NMT1: variants seen among roughly 807,000 people sequenced by gnomAD.
NMT1 encodes N-myristoyltransferase 1.
A neutral mutation model predicts 63.4 loss-of-function variants in NMT1; 12 were observed. The observed-to-expected ratio is 0.19, with a 90% CI of 0.12 to 0.31. NMT1 has a LOEUF of 0.31. Ranked by LOEUF, NMT1 falls within the 10% of genes least tolerant of loss-of-function variation. The pLI, the probability that NMT1 is intolerant of heterozygous loss-of-function variation, is 1.00. For missense variants in NMT1, 432 were observed against 634.6 expected (o/e 0.68, Z 3.43); for synonymous variants, 228 against 234.3 (o/e 0.97, Z 0.25).
intron 3 of NMT1, among the ~76,000 whole-genome samples, chr17:45,092,548 ACAAAACAC>A (rs1567868867): frequency 6.6e-6 from 1 of 151,446 alleles, no homozygotes. Context: ...AAAAAAAAAA[ACAAAACAC>A]CAAAATTAGC....
intron 4 of NMT1, 143 bp downstream of exon 4, chr17:45,093,946 G>A (rs2054106926): frequency 9.4e-6 from 6 of 636,160 alleles, no homozygotes; most frequent in Non-Finnish European, 1.6e-5. Context: ...GTAACTTCCT[G>A]GGGCATGGCC....
chr17:45,072,672 G>A (rs2053949631), intron 1 of NMT1, among the ~76,000 whole-genome samples: 1 of 151,612 alleles, frequency 6.6e-6, no homozygotes, highest in East Asian at 2.0e-4. Flanking sequence ...CCATTCTCCT[G>A]CCTCAGCCTC....
chr17:45,073,417 C>T (rs547959006), intron 1 of NMT1, among the ~76,000 whole-genome samples: 30 of 136,338 alleles, frequency 2.2e-4, no homozygotes, highest in African/African-American at 7.8e-4. Context: ...GACTCTGTCT[C>T]AAAAAAAAAA....
intron 2 of NMT1, among the ~76,000 whole-genome samples, chr17:45,085,680 G>A (rs552389267): frequency 1.2e-4 from 19 of 152,210 alleles, no homozygotes; most frequent in Non-Finnish European, 2.2e-4. Flanking sequence ...AACAACATAA[G>A]ACTAATAAGG....
intron 2 of NMT1, among the ~76,000 whole-genome samples, chr17:45,082,128 G>A (rs1192136624): frequency 1.3e-5 from 2 of 152,272 alleles, no homozygotes; most frequent in African/African-American, 4.8e-5. Context: ...TTCTTTTTGA[G>A]ACAGAGTCTT....
At chr17:45,082,931 C>T (rs760826079) in intron 2 of NMT1, among the ~76,000 whole-genome samples, 132 of 152,234 alleles carry the variant, frequency 8.7e-4, no homozygotes, top group Middle Eastern at 3.4e-3. Context: ...GCAGGAGAAT[C>T]GCTTGAACCC....
At chr17:45,097,276 A>G in intron 6 of NMT1, 32 bp downstream of exon 6, 11 of 1,462,494 alleles carry the variant, frequency 7.5e-6, no homozygotes, top group Non-Finnish European at 1.1e-5. Context: ...CACCCCCCAC[A>G]ACACCGCCAT....
intron 4 of NMT1, 137 bp downstream of exon 4, chr17:45,093,940 C>A: frequency 1.5e-6 from 1 of 648,178 alleles, no homozygotes; most frequent in Non-Finnish European, 2.7e-6. Context: ...CCGTCTGTAA[C>A]TTCCTGGGGC....
chr17:45,082,088 C>T (rs2054020567), intron 2 of NMT1, among the ~76,000 whole-genome samples: 1 of 152,120 alleles, frequency 6.6e-6, no homozygotes, highest in African/African-American at 2.4e-5. Context: ...TCTTAAGTCC[C>T]CACCGCTCTG....
intron 8 of NMT1, among the ~76,000 whole-genome samples, chr17:45,101,770 A>C (rs909414267): frequency 1.3e-5 from 2 of 152,104 alleles, no homozygotes; most frequent in African/African-American, 4.8e-5. Context: ...AACAGGATTG[A>C]TCACTCTGAA....
At position 45,081,718 on chromosome 17, in the gene NMT1, G is replaced by C; in HGVS notation, c.206G>C (p.Ser69Thr). 2 of 1,594,406 alleles carry C rather than the reference G, an allele frequency of 1.3e-6. No homozygotes were observed. Among genetic ancestry groups the C allele is most frequent in the Non-Finnish European group, 1.7e-6 (2 of 1,169,054 alleles). Reference sequence around the variant, plus strand: ...CAAAAAAAGAAGAAAGAAAAAGGCAGTGAGACAGATTCAGCCCAGGATCAG... The same window carrying C: ...CAAAAAAAGAAGAAAGAAAAAGGCACTGAGACAGATTCAGCCCAGGATCAG... ...KKQKKKKEKG[S>T]ETDSAQDQPV... The change falls in exon 2 of 12, where the codon AGT becomes ACT. Residue 69 changes from serine (S) to threonine (T), a missense_variant. Around this residue, in one of 4 missense-constraint regions of NMT1, gnomAD observed 121 missense variants for 103.7 expected, o/e 1.17. Coordinates refer to ENST00000258960, the MANE Select transcript of NMT1 (RefSeq NM_021079.5).
intron 1 of NMT1, among the ~76,000 whole-genome samples, chr17:45,073,156 CT>C (rs2053954312): frequency 6.6e-6 from 1 of 152,054 alleles, no homozygotes; most frequent in Admixed American, 6.6e-5. Context: ...GGCGCGGTGG[CT>C]CACACCCGTA....
Position 45,097,264 on chromosome 17 carries a change from C to T in NMT1, c.713+20C>T, listed in dbSNP as rs1424757075. Reference sequence around the variant, plus strand: ...TGACACGTAAGCACCTGCACCTACCCCCACCCCCCACAACACCGCCATCCT... The same window carrying T: ...TGACACGTAAGCACCTGCACCTACCTCCACCCCCCACAACACCGCCATCCT... On this transcript the variant is annotated intron_variant, in intron 6 of 11. Transcript: ENST00000258960. 2.0e-6 allele frequency: 3 copies of T among 1,535,546 alleles called. No homozygotes were observed. Among genetic ancestry groups the T allele is most frequent in the Non-Finnish European group, 2.7e-6 (3 of 1,108,556 alleles).
chr17:45,097,008 C>T, intron 5 of NMT1, 120 bp from the exon 6 acceptor site: 1 of 726,178 alleles, frequency 1.4e-6, no homozygotes, highest in South Asian at 1.5e-5. Context: ...AAAGAGAATC[C>T]AGCTATTAAC....
In NMT1 at chr17:45,106,933, CGATG is replaced by C; in HGVS notation, c.*1295_*1298del. The C allele has an allele frequency of 6.6e-6, 1 of 152,278 alleles. No homozygotes were observed. Among genetic ancestry groups the C allele is most frequent in the East Asian group, 1.9e-4 (1 of 5,200 alleles). The allele number at this position is 152,278 out of a possible 1,614,324, so 9.4% of individuals were successfully genotyped here. A position where few individuals can be genotyped will look rare whatever the true frequency, so the allele number is the denominator to read the frequency against. ...ATCAAGCCTCTGGTCACATGGCTGT[CGATG>C]TAGGCATTCTGGAGTGGTGTTCAGC... On this transcript the variant is annotated 3_prime_UTR_variant, in exon 12 of 12. Coordinates refer to ENST00000258960, the MANE Select transcript of NMT1 (RefSeq NM_021079.5).
chr17:45,064,079 G>A (rs189249603), intron 1 of NMT1, among the ~76,000 whole-genome samples: 1 of 152,268 alleles, frequency 6.6e-6, no homozygotes, highest in African/African-American at 2.4e-5. Context: ...CAGCTACTCG[G>A]GAGGCTGAGG....
chr17:45,108,874 G>T lies in NMT1; in HGVS notation c.*3235G>T, dbSNP rs1349622073. ...GTGCCATGTCTGGGAACAGGGACGGGGGAGCTTCACCTTTTTGTCTTGGCT... is the reference window on the plus strand; with the variant it reads ...GTGCCATGTCTGGGAACAGGGACGGTGGAGCTTCACCTTTTTGTCTTGGCT... On this transcript the variant is annotated 3_prime_UTR_variant, in exon 12 of 12. Coordinates refer to ENST00000258960, the MANE Select transcript of NMT1 (RefSeq NM_021079.5). 6.6e-6 allele frequency: 1 copy of T among 152,524 alleles called. No individual in the cohort carries two copies. The allele number at this position is 152,524 out of a possible 1,614,324, so 9.4% of individuals were successfully genotyped here.
intron 1 of NMT1, among the ~76,000 whole-genome samples, chr17:45,068,122 T>TA (rs2143452406): frequency 6.6e-6 from 1 of 152,320 alleles, no homozygotes; most frequent in Non-Finnish European, 1.5e-5. Context: ...TTGTGATTGT[T>TA]ACATTTAAGG....
chr17:45,082,695 C>G (rs2054024422), intron 2 of NMT1, among the ~76,000 whole-genome samples: 1 of 152,162 alleles, frequency 6.6e-6, no homozygotes, highest in Non-Finnish European at 1.5e-5. Flanking sequence ...GGGGACAACT[C>G]AAACATATTC....
Sources: gnomAD v4.1 joint callset for allele counts (sites outside exome capture counted in the v4.1 genomes callset) on GRCh38, gnomAD v4.1.1 for gene constraint, gnomAD v4.1.1 regional missense constraint, MANE v1.5 for transcripts, NCBI Gene and HGNC (gene_info 2026-07-23, HGNC 2026-07-21) for gene names.